Variants in WSCD2 observed in about 807,000 individuals in gnomAD.
WSCD2 encodes sialate:O-sulfotransferase 2.
A neutral mutation model predicts 55.7 loss-of-function variants in WSCD2; 28 were observed. The observed-to-expected ratio is 0.50, with a 90% CI of 0.37 to 0.69. WSCD2 has a LOEUF of 0.69. Ranked by LOEUF, WSCD2 falls within the 30% of genes least tolerant of loss-of-function variation. The pLI, the probability that WSCD2 is intolerant of heterozygous loss-of-function variation, is 0.00. For synonymous variants in WSCD2, 301 were observed against 301.9 expected, an observed-to-expected ratio of 1.00 and a Z score of 0.03; for missense variants, 616 against 762.1, an observed-to-expected ratio of 0.81 and a Z score of 2.26.
At chr12:108,193,176 T>C (rs950803089) in intron 1 of WSCD2, among the ~76,000 whole-genome samples, 2 of 152,238 alleles carry the variant, frequency 1.3e-5, no homozygotes, top group Non-Finnish European at 2.9e-5. Context: ...TGAGAGTATG[T>C]ATATGTGTAG....
intron 1 of WSCD2, among the ~76,000 whole-genome samples, chr12:108,180,342 T>A (rs1480861843): frequency 6.6e-6 from 1 of 152,234 alleles, no homozygotes; most frequent in East Asian, 1.9e-4. Flanking sequence ...TCCCACTGAT[T>A]AGAATAGAGG....
intron 1 of WSCD2, among the ~76,000 whole-genome samples, chr12:108,141,471 T>C (rs1876802664): frequency 6.6e-6 from 1 of 152,108 alleles, no homozygotes; most frequent in Non-Finnish European, 1.5e-5. Context: ...CAGGGCTGGG[T>C]TCCTTTTGGA....
At chr12:108,188,991 T>C (rs1217065495) in intron 1 of WSCD2, among the ~76,000 whole-genome samples, 1 of 152,220 alleles carries the variant, frequency 6.6e-6, no homozygotes, top group Non-Finnish European at 1.5e-5. Context: ...CCTATATTGC[T>C]TTCCGGGGAT....
chr12:108,160,015 T>C (rs542338415), intron 1 of WSCD2, among the ~76,000 whole-genome samples: 2 of 152,306 alleles, frequency 1.3e-5, no homozygotes, highest in African/African-American at 4.8e-5. Flanking sequence ...CACGGTATGA[T>C]AGCACGAGAG....
chr12:108,147,882 A>G (rs1877568922), intron 1 of WSCD2, among the ~76,000 whole-genome samples: 1 of 151,846 alleles, frequency 6.6e-6, no homozygotes, highest in Non-Finnish European at 1.5e-5. Flanking sequence ...AAAAAAGAAA[A>G]GAAAATGACC....
intron 8 of WSCD2, among the ~76,000 whole-genome samples, chr12:108,244,857 A>T (rs991241417): frequency 2.0e-5 from 3 of 152,080 alleles, no homozygotes; most frequent in Admixed American, 6.5e-5. Flanking sequence ...CTTTTTAAAA[A>T]TTTATTTATT....
intron 7 of WSCD2, among the ~76,000 whole-genome samples, chr12:108,237,042 C>T (rs1390165649): frequency 6.6e-6 from 1 of 152,200 alleles, no homozygotes. Flanking sequence ...CCAGCTGATG[C>T]AGGACAACAA....
intron 1 of WSCD2, among the ~76,000 whole-genome samples, chr12:108,190,981 C>T (rs1370955358): frequency 6.6e-6 from 1 of 152,210 alleles, no homozygotes; most frequent in Non-Finnish European, 1.5e-5. Flanking sequence ...GAGAAGATGG[C>T]AGCTCAGAGA....
Position 108,248,211 on chromosome 12 carries a change from G to T in WSCD2, c.1566G>T (p.Gly522=). The T allele has an allele frequency of 6.2e-7, 1 of 1,614,174 alleles. No homozygotes were observed. The highest frequency in any genetic ancestry group is 8.5e-7 in the Non-Finnish European group (1 of 1,180,034). ...AGGATGGCAACTTCAAGCGCTCAGGGCTCCGGAAGCTCGAGTATGACCCCT... is the reference window on the plus strand; with the variant it reads ...AGGATGGCAACTTCAAGCGCTCAGGTCTCCGGAAGCTCGAGTATGACCCCT... ...SQKDGNFKRS[G]LRKLEYDPYT... The change falls in exon 9 of 9, where the codon GGG becomes GGT. Residue 522 remains glycine (G), a synonymous_variant. Transcript: ENST00000547525. The surrounding 1 kb of genome is among the most constrained non-coding windows in gnomAD (Gnocchi z 4.3).
At position 108,210,248 on chromosome 12, in the gene WSCD2, G is replaced by A. The variant is rs777932595; in HGVS notation, c.625G>A (p.Gly209Ser). The A allele has an allele frequency of 3.8e-6, 6 of 1,593,942 alleles. No individual in the cohort carries two copies. The highest frequency in any genetic ancestry group is 1.1e-5 in the South Asian group (1 of 90,314). Reference protein sequence around the residue: ...CKGERGSVCGGANRLSVYRLQ... With the variant: ...CKGERGSVCGSANRLSVYRLQ... Reference sequence around the variant, plus strand: ...GGGCGAGCGAGGCAGCGTGTGCGGCGGCGCCAACCGCCTCTCTGTCTACCG... The same window carrying A: ...GGGCGAGCGAGGCAGCGTGTGCGGCAGCGCCAACCGCCTCTCTGTCTACCG... Residue 209 changes from glycine to serine, a missense_variant, in exon 4 of 9, where the codon GGC (glycine) becomes AGC (serine). This residue lies in a region of WSCD2 where 374 missense variants were observed against 467.4 expected (regional missense o/e 0.80). Coordinates refer to ENST00000547525, the MANE Select transcript of WSCD2 (RefSeq NM_014653.4). This position sits in a 1 kb window ranked among gnomAD's most constrained non-coding sequence, Gnocchi z 4.3.
At chr12:108,139,056 G>A (rs1419951121) in intron 1 of WSCD2, among the ~76,000 whole-genome samples, 1 of 152,202 alleles carries the variant, frequency 6.6e-6, no homozygotes, top group Non-Finnish European at 1.5e-5. Context: ...ATGAATGAAT[G>A]AGTGTTCTGT....
intron 6 of WSCD2, among the ~76,000 whole-genome samples, chr12:108,229,896 A>G (rs1040200991): frequency 1.3e-5 from 2 of 152,014 alleles, no homozygotes; most frequent in African/African-American, 4.8e-5. Flanking sequence ...AAACCTCCAG[A>G]AAAGTCGGAA....
intron 7 of WSCD2, among the ~76,000 whole-genome samples, chr12:108,239,664 C>T (rs1261667092): frequency 2.0e-5 from 3 of 152,202 alleles, no homozygotes; most frequent in Non-Finnish European, 4.4e-5. Flanking sequence ...AGAGCAATCA[C>T]CCAGTATATC....
intron 1 of WSCD2, among the ~76,000 whole-genome samples, chr12:108,166,726 C>CTCTT (rs764436831): frequency 1.7e-4 from 17 of 98,692 alleles, no homozygotes; most frequent in East Asian, 3.9e-4. Flanking sequence ...CTCCTTCTTT[C>CTCTT]TCTTTCTTTC....
At chr12:108,240,180 G>A (rs1667643986) in intron 7 of WSCD2, among the ~76,000 whole-genome samples, 164 bp from the exon 8 acceptor site, 2 of 152,178 alleles carry the variant, frequency 1.3e-5, no homozygotes, top group East Asian at 1.9e-4. Context: ...TTTTAATCCC[G>A]GGGTCCTAGC....
intron 6 of WSCD2, 152 bp from the exon 7 acceptor site, chr12:108,232,579 C>A: frequency 1.5e-6 from 1 of 679,710 alleles, no homozygotes; most frequent in Non-Finnish European, 2.4e-6. Context: ...AAAGCTGAGG[C>A]CCAAGGAAGC....
intron 4 of WSCD2, among the ~76,000 whole-genome samples, chr12:108,219,337 C>T (rs1887209429): frequency 6.6e-6 from 1 of 152,214 alleles, no homozygotes; most frequent in Non-Finnish European, 1.5e-5. Flanking sequence ...ATCACATTTG[C>T]ATTCCCAGAG....
chr12:108,245,321 A>T (rs1037492442), intron 8 of WSCD2, among the ~76,000 whole-genome samples: 1 of 152,180 alleles, frequency 6.6e-6, no homozygotes, highest in Non-Finnish European at 1.5e-5. Context: ...ACTTGAGAGC[A>T]CAGAATGAGA....
intron 1 of WSCD2, among the ~76,000 whole-genome samples, chr12:108,160,461 C>G (rs918677788): frequency 6.6e-5 from 10 of 152,114 alleles, no homozygotes; most frequent in African/African-American, 2.4e-4. Context: ...AGGAAACTTA[C>G]AGTCATAGCA....
Sources: gnomAD v4.1 joint callset for allele counts (sites outside exome capture counted in the v4.1 genomes callset) on GRCh38, gnomAD v4.1.1 for gene constraint, gnomAD v4.1.1 regional missense constraint, Gnocchi (gnomAD v3.1) non-coding constraint, MANE v1.5 for transcripts, NCBI Gene and HGNC (gene_info 2026-07-23, HGNC 2026-07-21) for gene names.